The following PUM1 variants were observed in gnomAD, a reference collection of about 807,000 sequenced individuals.
PUM1 encodes the protein pumilio RNA binding family member 1.
Under a neutral mutation model 131.8 loss-of-function variants are expected in PUM1, and 13 were observed. That is an observed-to-expected ratio of 0.10 (90% CI 0.06 to 0.16). PUM1 has a LOEUF of 0.16. Among genes scored for constraint, PUM1 ranks in the 10% least tolerant of loss-of-function variants. PUM1 has a pLI of 1.00. For synonymous variants in PUM1, 509 were observed against 556.5 expected (o/e 0.91, Z 1.20); for missense variants, 961 against 1,512.4 (o/e 0.64, Z 6.05).
chr1:30,931,717 T>A lies in PUM1; in HGVS notation c.*1494A>T, dbSNP rs375180411. ...CACCGTGTAGTGTTACAATTCTATA[T>A]TCAAACAAGGAAAATTGACAGTATG... On this transcript the variant is annotated 3_prime_UTR_variant, in exon 22 of 22. Transcript: ENST00000426105. The A allele has an allele frequency of 6.6e-6, 1 of 152,638 alleles. No homozygotes were observed. Among genetic ancestry groups the A allele is most frequent in the African/African-American group, 2.4e-5 (1 of 41,450 alleles). 9.5% of individuals were successfully genotyped at this position (152,638 alleles called of 1,614,324 possible).
chr1:30,950,755 G>A (rs111290644), intron 16 of PUM1, among the ~76,000 whole-genome samples: 16 of 152,140 alleles, frequency 1.1e-4, no homozygotes, highest in South Asian at 6.2e-4. Context: ...CAGCTACTCC[G>A]GAGGCTGAGG....
intron 8 of PUM1, among the ~76,000 whole-genome samples, chr1:30,980,820 A>T (rs1486157038): frequency 2.0e-5 from 3 of 152,244 alleles, no homozygotes; most frequent in South Asian, 2.1e-4. Context: ...CGATGAATAC[A>T]TCGCTCAAAA....
At chr1:30,978,909 G>A (rs1641246682) in intron 9 of PUM1, among the ~76,000 whole-genome samples, 1 of 152,092 alleles carries the variant, frequency 6.6e-6, no homozygotes, top group Non-Finnish European at 1.5e-5. Context: ...CACAACACCA[G>A]CCTAGGCAAC....
At chr1:31,000,182 GGT>G (rs1642154668) in intron 5 of PUM1, among the ~76,000 whole-genome samples, 1 of 152,172 alleles carries the variant, frequency 6.6e-6, no homozygotes, top group African/African-American at 2.4e-5. Flanking sequence ...AGAAAGGCAT[GGT>G]TTGTGATTTG....
chr1:30,974,675 T>A lies in PUM1; in HGVS notation c.1482A>T (p.Pro494=). 2 of 1,609,234 alleles carry A rather than the reference T, an allele frequency of 1.2e-6. No homozygotes were observed. The highest frequency in any genetic ancestry group is 1.7e-6 in the Non-Finnish European group (2 of 1,178,392). ...CCTGCTGCTGTCCTTGCTGAGCCTG[T>A]GGGGTGGTCTGTTGATTAGCTGAAT... ...ATNSANQQTT[P]QAQQGQQQVL... Residue 494 remains proline (P), a synonymous_variant, in exon 10 of 22, where the codon CCA becomes CCT. Coordinates refer to ENST00000426105, the MANE Select transcript of PUM1 (RefSeq NM_001020658.2).
chr1:30,995,421 T>C (rs1641946451), intron 5 of PUM1, among the ~76,000 whole-genome samples: 1 of 152,190 alleles, frequency 6.6e-6, no homozygotes, highest in South Asian at 2.1e-4. Context: ...CAGACATACA[T>C]TTATGTTACA....
chr1:30,940,434 CCACTG>C, intron 20 of PUM1, among the ~76,000 whole-genome samples: 1 of 152,346 alleles, frequency 6.6e-6, no homozygotes, highest in East Asian at 1.9e-4. Flanking sequence ...CGACACTGTG[CCACTG>C]CACTCAAGCC....
chr1:31,009,523 T>C (rs923283250), intron 3 of PUM1, among the ~76,000 whole-genome samples: 1 of 151,870 alleles, frequency 6.6e-6, no homozygotes, highest in African/African-American at 2.4e-5. Flanking sequence ...CCCAGCACCT[T>C]GGGAGGCTGA....
At position 30,942,037 on chromosome 1, in the gene PUM1, A is replaced by G; in HGVS notation, c.3081T>C (p.Ile1027=). 1 of 1,595,870 alleles carries G rather than the reference A, an allele frequency of 6.3e-7. No individual in the cohort carries two copies. Among genetic ancestry groups the G allele is most frequent in the Non-Finnish European group, 8.6e-7 (1 of 1,169,012 alleles). ...EHCLPDQTLP[I]LEELHQHTEQ... The stretch of plus-strand genomic sequence containing the variant: ...CTGTGTGCTGGTGAAGCTCCTCTAA[A>G]ATAGGGAGTGTCTGGTCAGGGAGAC... Residue 1027 remains isoleucine (I), a synonymous_variant, in exon 19 of 22, where the codon ATT becomes ATC. Transcript: ENST00000426105.
chr1:31,054,535 TAAAAAAAAAAA>T (rs555867693), intron 2 of PUM1, among the ~76,000 whole-genome samples: 1 of 83,398 alleles, frequency 1.2e-5, no homozygotes, highest in South Asian at 3.8e-4. Flanking sequence ...AAAGGGCCAC[TAAAAAAAAAAA>T]AAAAAAAAAA....
intron 21 of PUM1, among the ~76,000 whole-genome samples, chr1:30,935,098 C>T (rs189784741): frequency 1.4e-4 from 22 of 152,334 alleles, no homozygotes; most frequent in East Asian, 1.9e-4. Context: ...GGTGCCTTGA[C>T]GGCCTCCCAT....
chr1:31,057,251 A>C (rs953325621), intron 2 of PUM1, among the ~76,000 whole-genome samples: 3 of 151,994 alleles, frequency 2.0e-5, no homozygotes, highest in African/African-American at 7.3e-5. Flanking sequence ...AAAAAATACA[A>C]AAGTAGCCGG....
At chr1:30,941,323 C>T (rs1456270307) in intron 19 of PUM1, 51 bp from the exon 20 acceptor site, 3 of 1,570,918 alleles carry the variant, frequency 1.9e-6, no homozygotes, top group Non-Finnish European at 2.6e-6. Context: ...GCCAGTTCTG[C>T]AGGTTACTTA....
chr1:31,018,653 A>G (rs6666710), intron 3 of PUM1, among the ~76,000 whole-genome samples: 119,816 of 152,118 alleles, frequency 0.79, 47,989 homozygotes, highest in African/African-American at 0.92. Flanking sequence ...GCAAGGCTCC[A>G]TCTCAAAAAT....
At chr1:30,958,577 GAGT>G (rs1397664709) in intron 14 of PUM1, among the ~76,000 whole-genome samples, 1 of 152,130 alleles carries the variant, frequency 6.6e-6, no homozygotes, top group East Asian at 1.9e-4. Flanking sequence ...AAGGGCGGGG[GAGT>G]AGGATAAAGA....
intron 12 of PUM1, among the ~76,000 whole-genome samples, chr1:30,966,564 T>A (rs1223635621): frequency 6.6e-6 from 1 of 152,194 alleles, no homozygotes; most frequent in Non-Finnish European, 1.5e-5. Context: ...TAAATACAAC[T>A]ACTTCCTAAA....
chr1:30,984,915 GC>G (rs1415829794), intron 7 of PUM1, among the ~76,000 whole-genome samples: 2 of 151,648 alleles, frequency 1.3e-5, no homozygotes, highest in Non-Finnish European at 2.9e-5. Context: ...AAAGACTACC[GC>G]CCCCACTCCC....
intron 18 of PUM1, among the ~76,000 whole-genome samples, chr1:30,942,480 G>T (rs941756368): frequency 1.3e-5 from 2 of 151,662 alleles, no homozygotes; most frequent in South Asian, 4.2e-4. Context: ...AAAAGACAGC[G>T]CTAACAACAG....
intron 14 of PUM1, among the ~76,000 whole-genome samples, chr1:30,958,871 T>A (rs922053392): frequency 2.0e-5 from 3 of 152,178 alleles, no homozygotes; most frequent in African/African-American, 7.2e-5. Flanking sequence ...AATAAATACT[T>A]GCAACATCTG....
Sources: allele counts gnomAD v4.1 joint callset (sites outside exome capture counted in the v4.1 genomes callset), GRCh38; gene constraint gnomAD v4.1.1; transcripts MANE v1.5; gene names NCBI Gene and HGNC (gene_info 2026-07-23, HGNC 2026-07-21).